The following P4HB variants were observed in gnomAD, a reference collection of about 807,000 sequenced individuals.
P4HB encodes the protein prolyl 4-hydroxylase subunit beta, also known as protein disulfide-isomerase.
P4HB carries 20 observed loss-of-function variants against 52.6 expected under a neutral mutation model. The ratio of observed to expected loss-of-function variants is 0.38; its 90% CI spans 0.27 to 0.55. The LOEUF (loss-of-function observed/expected upper bound fraction) is 0.55. P4HB is among the 20% of genes least tolerant of loss of function. The pLI is 0.74. For synonymous variants in P4HB, 296 were observed against 277.9 expected (o/e 1.07, Z -0.65); for missense variants, 601 against 669.2 (o/e 0.90, Z 1.12).
Position 81,843,586 on chromosome 17 carries a change from C to G in P4HB, c.*426G>C. 2.3e-6 allele frequency: 1 copy of G among 442,508 alleles called. No homozygotes were observed. Among genetic ancestry groups the G allele is most frequent in the Non-Finnish European group, 4.0e-6 (1 of 252,028 alleles). The allele number at this position is 442,508 out of a possible 1,614,324, so 27.4% of individuals were successfully genotyped here. On this transcript the variant is annotated 3_prime_UTR_variant, in exon 11 of 11. Coordinates refer to ENST00000331483, the MANE Select transcript of P4HB (RefSeq NM_000918.4). The stretch of plus-strand genomic sequence containing the variant: ...CCGTCCCTCCCACACGGGGGACAAG[C>G]TTCTCCGAGGAGGCCTGGCCAAGGT...
At position 81,855,390 on chromosome 17, in the gene P4HB, G is replaced by A; in HGVS notation, c.486+63C>T. 1 of 1,596,164 alleles carries A rather than the reference G, an allele frequency of 6.3e-7. No individual in the cohort carries two copies. The highest frequency in any genetic ancestry group is 8.6e-7 in the Non-Finnish European group (1 of 1,167,682). On this transcript the variant is annotated intron_variant, in intron 3 of 10. Transcript: ENST00000331483. The surrounding 1 kb of genome is among the most constrained non-coding windows in gnomAD (Gnocchi z 4.3). The stretch of plus-strand genomic sequence containing the variant: ...GACACGTGCAGAACTGCCAGCTGCA[G>A]GCTGTGGACCCCTCCTCAATGGATG...
In P4HB at chr17:81,846,357, A is replaced by G. The variant is rs972005753; in HGVS notation, c.1056+72T>C. The G allele has an allele frequency of 4.5e-5, 62 of 1,370,698 alleles. No homozygotes were observed. In the East Asian group the frequency reaches 5.5e-4, roughly 12 times the overall value. 84.9% of individuals were successfully genotyped at this position (1,370,698 alleles called of 1,614,324 possible). On this transcript the variant is annotated intron_variant, in intron 7 of 10. Coordinates refer to ENST00000331483, the MANE Select transcript of P4HB (RefSeq NM_000918.4). The surrounding 1 kb of genome is among the most constrained non-coding windows in gnomAD (Gnocchi z 5.7). ...TTACTTTGAGGACGAAGCCCAGGAC[A>G]CTGAGAGCCCAGAGACCCCAAGGTG...
At chr17:81,856,695 T>C (rs1340401213) in intron 2 of P4HB, among the ~76,000 whole-genome samples, 3 of 148,172 alleles carry the variant, frequency 2.0e-5, no homozygotes, top group Non-Finnish European at 4.5e-5. Context: ...TCGTCCAGGC[T>C]GGAGAATGCA....
In P4HB at chr17:81,843,823, C is replaced by A; in HGVS notation, c.*189G>T. ...CTGGAGATGGATCCCTTTCCAAAAA[C>A]CGAAAAGCAGAAGGAAGAGACGGGG... On this transcript the variant is annotated 3_prime_UTR_variant, in exon 11 of 11. Coordinates refer to ENST00000331483, the MANE Select transcript of P4HB (RefSeq NM_000918.4). 1 of 617,164 alleles carries A rather than the reference C, an allele frequency of 1.6e-6. No individual in the cohort carries two copies. Among genetic ancestry groups the A allele is most frequent in the Non-Finnish European group, 2.9e-6 (1 of 346,094 alleles). 38.2% of individuals were successfully genotyped at this position (617,164 alleles called of 1,614,324 possible).
intron 2 of P4HB, among the ~76,000 whole-genome samples, chr17:81,856,334 CTTT>C (rs531626630): frequency 9.2e-5 from 12 of 130,888 alleles, no homozygotes; most frequent in Admixed American, 3.1e-4. Context: ...ACCCAACTAA[CTTT>C]TTTTTTTTTT....
In P4HB at chr17:81,843,974, C is replaced by G. The variant is rs199734113; in HGVS notation, c.*38G>C. On this transcript the variant is annotated 3_prime_UTR_variant, in exon 11 of 11. Coordinates refer to ENST00000331483, the MANE Select transcript of P4HB (RefSeq NM_000918.4). ...GCGCTGCTGCTGGGTGTGCAGCCCCCGAGGGGTCTCGGCAGCGCCCGGGTC... is the reference window on the plus strand; with the variant it reads ...GCGCTGCTGCTGGGTGTGCAGCCCCGGAGGGGTCTCGGCAGCGCCCGGGTC... The G allele has an allele frequency of 2.8e-5, 42 of 1,484,756 alleles. No individual in the cohort carries two copies. Among genetic ancestry groups the G allele is most frequent in the Non-Finnish European group, 3.9e-5 (41 of 1,062,640 alleles). The allele number at this position is 1,484,756 out of a possible 1,614,324, so 92.0% of individuals were successfully genotyped here. A position where few individuals can be genotyped will look rare whatever the true frequency, so the allele number is the denominator to read the frequency against.
intron 2 of P4HB, among the ~76,000 whole-genome samples, chr17:81,857,275 G>C (rs1197719222): frequency 6.6e-6 from 1 of 151,904 alleles, no homozygotes; most frequent in African/African-American, 2.4e-5. Context: ...AGCCTCCCAA[G>C]TAGCTGGGAT....
At chr17:81,858,351 C>A in intron 2 of P4HB, among the ~76,000 whole-genome samples, 1 of 151,008 alleles carries the variant, frequency 6.6e-6, no homozygotes, top group South Asian at 2.1e-4. Context: ...ACAGGGCACA[C>A]CTGCTTAAGG....
rs2038680762 is a variant in P4HB, at chr17:81,843,273, C to CA, written c.*738dup. 2.6e-6 allele frequency: 1 copy of CA among 389,986 alleles called. No homozygotes were observed. The highest frequency in any genetic ancestry group is 2.1e-5 in the African/African-American group (1 of 48,518). The allele number at this position is 389,986 out of a possible 1,614,324, so 24.2% of individuals were successfully genotyped here. A position where few individuals can be genotyped will look rare whatever the true frequency, so the allele number is the denominator to read the frequency against. ...GCTCCAGCATCCTTGGCCACCTCCC[C>CA]ACCCGGGAGTCAAGGGTCGTGGTTC... On this transcript the variant is annotated 3_prime_UTR_variant, in exon 11 of 11. Coordinates refer to ENST00000331483, the MANE Select transcript of P4HB (RefSeq NM_000918.4).
At chr17:81,845,462 G>C (rs1363031236) in intron 9 of P4HB, 99 bp downstream of exon 9, 2 of 1,229,184 alleles carry the variant, frequency 1.6e-6, no homozygotes, top group Non-Finnish European at 2.2e-6. Flanking sequence ...TCTCCCACCT[G>C]ACTAGCCCCA....
chr17:81,846,637 A>T lies in P4HB; in HGVS notation c.856-8T>A, dbSNP rs752394154. Reference sequence around the variant, plus strand: ...GATGAAGATGAACAGGATCTGGGGGAGAAAAGGAGGTTGCACAGGTGCGGG... The same window carrying T: ...GATGAAGATGAACAGGATCTGGGGGTGAAAAGGAGGTTGCACAGGTGCGGG... On this transcript the variant is annotated splice_polypyrimidine_tract_variant and splice_region_variant and intron_variant, in intron 6 of 10. Coordinates refer to ENST00000331483, the MANE Select transcript of P4HB (RefSeq NM_000918.4). This position sits in a 1 kb window ranked among gnomAD's most constrained non-coding sequence, Gnocchi z 5.7. 2.4e-5 allele frequency: 38 copies of T among 1,612,896 alleles called. No homozygotes were observed. The Admixed American group carries it at 6.3e-4, about 27-fold the overall frequency.
At chr17:81,845,093 G>A in intron 10 of P4HB, 51 bp downstream of exon 10, 1 of 1,397,038 alleles carries the variant, frequency 7.2e-7, no homozygotes, top group East Asian at 2.3e-5. Context: ...TGTCCCGTGG[G>A]GCCAAGGGGC....
In P4HB at chr17:81,843,411, GC is replaced by G. The variant is rs2038682951; in HGVS notation, c.*600del. On this transcript the variant is annotated 3_prime_UTR_variant, in exon 11 of 11. Coordinates refer to ENST00000331483, the MANE Select transcript of P4HB (RefSeq NM_000918.4). ...AGGGGAAGGCCCAGGCCTGTGCCGG[GC>G]CCCAGGGCTGGCAGCCACCAGCTCC... The G allele has an allele frequency of 2.5e-6, 1 of 399,212 alleles. No homozygotes were observed. Among genetic ancestry groups the G allele is most frequent in the Non-Finnish European group, 4.4e-6 (1 of 226,876 alleles). 24.7% of individuals were successfully genotyped at this position (399,212 alleles called of 1,614,324 possible).
intron 10 of P4HB, among the ~76,000 whole-genome samples, chr17:81,844,886 C>T (rs1403986810): frequency 6.6e-6 from 1 of 152,272 alleles, no homozygotes; most frequent in Non-Finnish European, 1.5e-5. Flanking sequence ...AAAAGGTTTT[C>T]TAAGCAAAAT....
intron 4 of P4HB, among the ~76,000 whole-genome samples, chr17:81,853,960 T>C (rs1302006813): frequency 6.6e-6 from 1 of 152,172 alleles, no homozygotes; most frequent in East Asian, 1.9e-4. Context: ...CTTGACACTG[T>C]GCAAACAAGG....
rs1430078033 is a variant in P4HB, at chr17:81,860,489, C to A, written c.-18G>T. ...CGCAGCATGTCGGACACGGATCAGG[C>A]GGGGCGCTTCGGTTGGCGCCGCCGG... On this transcript the variant is annotated 5_prime_UTR_variant, in exon 1 of 11. Transcript: ENST00000331483. 8.0e-6 allele frequency: 10 copies of A among 1,253,880 alleles called. No individual in the cohort carries two copies. The highest frequency in any genetic ancestry group is 3.1e-5 in the South Asian group (1 of 31,960). The allele number at this position is 1,253,880 out of a possible 1,614,324, so 77.7% of individuals were successfully genotyped here.
intron 4 of P4HB, among the ~76,000 whole-genome samples, chr17:81,854,375 AC>A (rs573671261): frequency 4.4e-4 from 67 of 151,864 alleles, no homozygotes; most frequent in Non-Finnish European, 7.7e-4. Context: ...CCCCATGTCT[AC>A]CAAAAAATAC....
chr17:81,846,024 C>T lies in P4HB; in HGVS notation c.1057-33G>A, dbSNP rs754170405. On this transcript the variant is annotated intron_variant, in intron 7 of 10. Transcript: ENST00000331483. The surrounding 1 kb of genome is among the most constrained non-coding windows in gnomAD (Gnocchi z 5.7). ...GCAGGCAGGGCACGGTGAGGGGCGG[C>T]GATGCCTGGGGGACCACAGAGCTCC... 29 of 1,577,912 alleles carry T rather than the reference C, an allele frequency of 1.8e-5. No homozygotes were observed. Among genetic ancestry groups the T allele is most frequent in the Non-Finnish European group, 2.2e-5 (26 of 1,161,420 alleles).
At chr17:81,858,047 G>A (rs112098160) in intron 2 of P4HB, among the ~76,000 whole-genome samples, 1 of 151,986 alleles carries the variant, frequency 6.6e-6, no homozygotes, top group Non-Finnish European at 1.5e-5. Context: ...AGGCCGAGAC[G>A]GGTGGATCAC....
Sources: gnomAD v4.1 joint callset for allele counts (sites outside exome capture counted in the v4.1 genomes callset) on GRCh38, gnomAD v4.1.1 for gene constraint, Gnocchi (gnomAD v3.1) non-coding constraint, MANE v1.5 for transcripts, NCBI Gene and HGNC (gene_info 2026-07-23, HGNC 2026-07-21) for gene names.